SDK1: variants seen among roughly 807,000 people sequenced by gnomAD.
SDK1 encodes the protein protein sidekick-1.
Under a neutral mutation model 245.5 loss-of-function variants are expected in SDK1, and 157 were observed. The observed-to-expected ratio is 0.64, with a 90% CI of 0.56 to 0.73. The LOEUF (loss-of-function observed/expected upper bound fraction) is 0.73. SDK1 is among the 30% of genes least tolerant of loss of function. The probability of loss-of-function intolerance (pLI) is 0.00; values close to 1 mark genes in which losing one functional copy is unlikely to be tolerated. For synonymous variants in SDK1, 1,647 were observed against 1,278.5 expected (o/e 1.29, Z -6.15); for missense variants, 3,583 against 3,002.3 (o/e 1.19, Z -4.52).
At chr7:3,921,387 T>A (rs1374293920) in intron 5 of SDK1, among the ~76,000 whole-genome samples, 1 of 152,216 alleles carries the variant, frequency 6.6e-6, no homozygotes, top group Non-Finnish European at 1.5e-5. Context: ...TTTAGATTGG[T>A]TCCTGGCTTT....
At chr7:4,169,562 G>A (rs552134877) in intron 32 of SDK1, among the ~76,000 whole-genome samples, 55 of 152,302 alleles carry the variant, frequency 3.6e-4, no homozygotes, top group African/African-American at 1.3e-3. Context: ...CGTCTCTGAG[G>A]CTTCAGAGCC....
chr7:3,607,151 C>G (rs1347211483), intron 1 of SDK1, among the ~76,000 whole-genome samples: 2 of 145,496 alleles, frequency 1.4e-5, no homozygotes, highest in African/African-American at 5.0e-5. Flanking sequence ...AAGGAAGGCC[C>G]TTTTTTTTTT....
At chr7:3,937,876 C>A (rs377623161) in intron 5 of SDK1, among the ~76,000 whole-genome samples, 1 of 152,084 alleles carries the variant, frequency 6.6e-6, no homozygotes, top group Non-Finnish European at 1.5e-5. Flanking sequence ...CTCACTCTGT[C>A]GCCCAGACTG....
chr7:3,913,542 C>A (rs190279260), intron 5 of SDK1, among the ~76,000 whole-genome samples: 96 of 152,214 alleles, frequency 6.3e-4, no homozygotes, highest in African/African-American at 2.3e-3. Context: ...ATCCACCCGC[C>A]TCGGCCTCCC....
Position 4,012,234 on chromosome 7 carries a change from A to G in SDK1, c.2419A>G (p.Arg807Gly). The G allele has an allele frequency of 6.7e-7, 1 of 1,499,084 alleles. No homozygotes were observed. Among genetic ancestry groups the G allele is most frequent in the South Asian group, 1.4e-5 (1 of 71,572 alleles). 92.9% of individuals were successfully genotyped at this position (1,499,084 alleles called of 1,614,324 possible). The change falls in exon 16 of 45, where the codon AGG (arginine) becomes GGG (glycine). Residue 807 changes from arginine (R) to glycine (G), a missense_variant and splice_region_variant. Physicochemically the swap from Arg to Gly is moderately radical, Grantham distance 125 (BLOSUM62 -2). Transcript: ENST00000404826. ...CGGGGTGTTGCGTGGATACATCCTCAGGCAAGTGCCCTGTGATTGGCCATC... is the reference window on the plus strand; with the variant it reads ...CGGGGTGTTGCGTGGATACATCCTCGGGCAAGTGCCCTGTGATTGGCCATC... ...HNGVLRGYIL[R>G]YRLAGLPGEY...
chr7:3,578,831 G>A (rs758615353), intron 1 of SDK1, among the ~76,000 whole-genome samples: 3 of 151,702 alleles, frequency 2.0e-5, no homozygotes, highest in Non-Finnish European at 4.4e-5. Context: ...TTTTCAAGGT[G>A]CACTGATTTC....
At chr7:3,850,569 G>A (rs1388961589) in intron 5 of SDK1, among the ~76,000 whole-genome samples, 1 of 152,080 alleles carries the variant, frequency 6.6e-6, no homozygotes, top group African/African-American at 2.4e-5. Context: ...TATGTTTATT[G>A]CAGCACTATT....
chr7:3,646,702 A>G (rs964756245), intron 4 of SDK1, among the ~76,000 whole-genome samples: 22 of 151,780 alleles, frequency 1.4e-4, no homozygotes, highest in African/African-American at 5.4e-4. Flanking sequence ...AGTCTTTCTC[A>G]TCATTTAGAA....
chr7:3,436,231 T>G (rs758106569), intron 1 of SDK1, among the ~76,000 whole-genome samples: 3 of 152,132 alleles, frequency 2.0e-5, no homozygotes, highest in Admixed American at 6.5e-5. Context: ...AATTTGCATT[T>G]CAGTGGTATT....
At chr7:3,557,270 C>T (rs1038051862) in intron 1 of SDK1, among the ~76,000 whole-genome samples, 2 of 152,152 alleles carry the variant, frequency 1.3e-5, no homozygotes, top group African/African-American at 2.4e-5. Flanking sequence ...GACAACAGTA[C>T]AGATCCTAAA....
At chr7:4,260,122 A>G (rs1562489813) in intron 44 of SDK1, among the ~76,000 whole-genome samples, 1 of 150,092 alleles carries the variant, frequency 6.7e-6, no homozygotes, top group South Asian at 2.1e-4. Context: ...GTTCATCGTC[A>G]CCTGATGGAG....
chr7:3,343,155 G>GT (rs747075740), intron 1 of SDK1, among the ~76,000 whole-genome samples: 12 of 152,172 alleles, frequency 7.9e-5, no homozygotes, highest in Non-Finnish European at 1.8e-4. Context: ...AACTTGGCAA[G>GT]TGTACTCTTG....
chr7:3,413,311 G>C (rs1342613599), intron 1 of SDK1, among the ~76,000 whole-genome samples: 3 of 152,156 alleles, frequency 2.0e-5, no homozygotes. Flanking sequence ...AAGCTAAAGA[G>C]GGGCAGGGGT....
chr7:3,363,782 C>T (rs767871000), intron 1 of SDK1, among the ~76,000 whole-genome samples: 3 of 152,216 alleles, frequency 2.0e-5, no homozygotes, highest in Non-Finnish European at 4.4e-5. Context: ...AATGCTCCTT[C>T]GTCCACTGCT....
intron 1 of SDK1, among the ~76,000 whole-genome samples, chr7:3,314,301 C>T (rs1184838125): frequency 1.3e-5 from 2 of 152,174 alleles, no homozygotes; most frequent in Non-Finnish European, 2.9e-5. Context: ...GGATTCTTGC[C>T]AAAGGACCAA....
intron 1 of SDK1, among the ~76,000 whole-genome samples, chr7:3,476,400 A>T (rs1781349003): frequency 6.6e-6 from 1 of 152,226 alleles, no homozygotes; most frequent in Non-Finnish European, 1.5e-5. Context: ...TGGTAGTTCC[A>T]GTACTTCTTT....
At chr7:3,316,440 G>A (rs4295560) in intron 1 of SDK1, among the ~76,000 whole-genome samples, 81,961 of 152,038 alleles carry the variant, frequency 0.54, 22,142 homozygotes, top group East Asian at 0.56. Context: ...CTAGGTTTGT[G>A]TAAGTGATGT....
At chr7:4,095,795 A>G (rs143307882) in intron 22 of SDK1, among the ~76,000 whole-genome samples, 2,341 of 152,244 alleles carry the variant, frequency 0.015, 26 homozygotes, top group Non-Finnish European at 0.025. Context: ...GCTGGTCTCG[A>G]ACTTTTGACC....
At chr7:3,796,550 C>T (rs1778965904) in intron 4 of SDK1, among the ~76,000 whole-genome samples, 1 of 152,170 alleles carries the variant, frequency 6.6e-6, no homozygotes, top group African/African-American at 2.4e-5. Flanking sequence ...TTCCAGGACC[C>T]CACCTGCTGG....
Sources: allele counts gnomAD v4.1 joint callset (sites outside exome capture counted in the v4.1 genomes callset), GRCh38; gene constraint gnomAD v4.1.1; transcripts MANE v1.5; gene names NCBI Gene and HGNC (gene_info 2026-07-23, HGNC 2026-07-21).